CMSS1: variants seen among roughly 807,000 people sequenced by gnomAD.
CMSS1 encodes the protein cms1 ribosomal small subunit homolog.
In CMSS1, 33 loss-of-function variants were observed where a neutral mutation model predicts 43.5. That is an observed-to-expected ratio of 0.76 (90% CI 0.57 to 1.01). The LOEUF (loss-of-function observed/expected upper bound fraction) is 1.01, where lower values mean the gene tolerates loss of function less well. CMSS1 is among the 50% of genes least tolerant of loss of function. CMSS1 has a pLI of 0.00. For missense variants in CMSS1, 313 were observed against 326.4 expected (o/e 0.96, Z 0.32); for synonymous variants, 115 against 117.2 (o/e 0.98, Z 0.12).
intron 1 of CMSS1, among the ~76,000 whole-genome samples, chr3:100,100,620 A>C (rs1248922105): frequency 6.6e-6 from 1 of 152,198 alleles, no homozygotes; most frequent in African/African-American, 2.4e-5. Context: ...GAGGAAGGGA[A>C]GAATCAGAGG....
intron 1 of CMSS1, among the ~76,000 whole-genome samples, chr3:100,031,341 A>G (rs2065018414): frequency 6.6e-6 from 1 of 152,108 alleles, no homozygotes; most frequent in Non-Finnish European, 1.5e-5. Flanking sequence ...CTAGCAGTCC[A>G]ATAGAAATGT....
At chr3:99,860,680 A>C (rs1217029487) in intron 1 of CMSS1, among the ~76,000 whole-genome samples, 2 of 152,180 alleles carry the variant, frequency 1.3e-5, no homozygotes, top group Non-Finnish European at 2.9e-5. Context: ...TGAAAGGGCC[A>C]GGTGGAGACT....
intron 1 of CMSS1, among the ~76,000 whole-genome samples, chr3:99,869,617 CT>C (rs577930971): frequency 2.0e-4 from 30 of 152,256 alleles, no homozygotes; most frequent in African/African-American, 6.0e-4. Context: ...AAACCAGCAA[CT>C]TTCTCATGTT....
At chr3:99,911,415 C>T (rs1428572206) in intron 1 of CMSS1, among the ~76,000 whole-genome samples, 1 of 151,530 alleles carries the variant, frequency 6.6e-6, no homozygotes, top group African/African-American at 2.4e-5. Context: ...TAACACAAGG[C>T]CTGTATACAC....
intron 1 of CMSS1, among the ~76,000 whole-genome samples, chr3:99,927,623 C>T (rs1458590027): frequency 1.3e-5 from 2 of 152,188 alleles, no homozygotes; most frequent in Non-Finnish European, 2.9e-5. Flanking sequence ...CCTGCCTCGG[C>T]CTCCCAAAGT....
At chr3:99,842,348 G>T (rs1284984733) in intron 1 of CMSS1, among the ~76,000 whole-genome samples, 1 of 151,988 alleles carries the variant, frequency 6.6e-6, no homozygotes. Flanking sequence ...AGTGGGAGGG[G>T]TGTAAGGGAT....
At chr3:99,958,959 G>A (rs767780133) in intron 1 of CMSS1, among the ~76,000 whole-genome samples, 5 of 152,062 alleles carry the variant, frequency 3.3e-5, no homozygotes, top group African/African-American at 4.8e-5. Context: ...TATACCACTG[G>A]ATTCTTGTGT....
chr3:99,945,539 A>C (rs1707983745), intron 1 of CMSS1, among the ~76,000 whole-genome samples: 2 of 152,198 alleles, frequency 1.3e-5, no homozygotes, highest in Admixed American at 1.3e-4. Context: ...CTTACAATTA[A>C]GGAGGGAAAC....
At chr3:100,095,748 A>T (rs1271344161) in intron 1 of CMSS1, among the ~76,000 whole-genome samples, 1 of 152,190 alleles carries the variant, frequency 6.6e-6, no homozygotes, top group Non-Finnish European at 1.5e-5. Context: ...CAGCACAGGC[A>T]ACCAAAGCAA....
At chr3:100,165,272 G>C (rs2107528592) in intron 4 of CMSS1, among the ~76,000 whole-genome samples, 1 of 151,858 alleles carries the variant, frequency 6.6e-6, no homozygotes, top group East Asian at 1.9e-4. Flanking sequence ...ATATGTGCTG[G>C]GTCACAACAT....
At chr3:100,090,238 T>C (rs2066080654) in intron 1 of CMSS1, among the ~76,000 whole-genome samples, 1 of 152,226 alleles carries the variant, frequency 6.6e-6, no homozygotes. Flanking sequence ...AGCTGTTTGC[T>C]ATTGTTTTCT....
chr3:99,891,647 A>G (rs1186773034), intron 1 of CMSS1, among the ~76,000 whole-genome samples: 1 of 152,200 alleles, frequency 6.6e-6, no homozygotes, highest in Non-Finnish European at 1.5e-5. Flanking sequence ...AGCAATGGAC[A>G]TTAGAACAAT....
At chr3:99,969,551 T>A (rs1708752910) in intron 1 of CMSS1, among the ~76,000 whole-genome samples, 2 of 152,188 alleles carry the variant, frequency 1.3e-5, no homozygotes, top group African/African-American at 4.8e-5. Flanking sequence ...GTTGAAGTAA[T>A]GAGCCGTGCT....
At chr3:99,858,015 G>A (rs1944056686) in intron 1 of CMSS1, among the ~76,000 whole-genome samples, 1 of 152,124 alleles carries the variant, frequency 6.6e-6, no homozygotes. Flanking sequence ...GATAGTTCCA[G>A]CACAATTCAG....
At chr3:99,874,165 G>A (rs971820277) in intron 1 of CMSS1, 2 of 152,032 alleles carry the variant, frequency 1.3e-5, no homozygotes, top group African/African-American at 2.4e-5. Context: ...TTAAAAAATC[G>A]ATGCTTGCCT....
In CMSS1 at chr3:100,002,380, A is replaced by C. The variant is rs149284093; in HGVS notation, c.65-144593A>C. On this transcript the variant is annotated intron_variant, in intron 1 of 9. Coordinates refer to ENST00000421999, the MANE Select transcript of CMSS1 (RefSeq NM_032359.4). ...TATCCCCTGATACACATTTGCTTTC[A>C]AGCTTCTGTGGCTTAGACTGGAGTA... Among the ~76,000 whole-genome samples the C allele has an allele frequency of 8.7e-3, 1,318 of 152,296 alleles. 8 individuals carry two copies. The highest frequency in any genetic ancestry group is 0.02 in the Middle Eastern group (6 of 294).
intron 2 of CMSS1, among the ~76,000 whole-genome samples, chr3:100,149,361 C>T (rs1178843810): frequency 2.0e-5 from 3 of 152,138 alleles, no homozygotes; most frequent in Non-Finnish European, 4.4e-5. Context: ...GTTGCTTTCA[C>T]TTTCCTTTTT....
intron 1 of CMSS1, among the ~76,000 whole-genome samples, chr3:99,916,204 C>T (rs1327067536): frequency 6.6e-6 from 1 of 152,136 alleles, no homozygotes; most frequent in Admixed American, 6.5e-5. Flanking sequence ...AAGCTGAAGG[C>T]AGGTTGAATT....
At chr3:100,113,060 T>C (rs1198639933) in intron 1 of CMSS1, among the ~76,000 whole-genome samples, 6 of 152,220 alleles carry the variant, frequency 3.9e-5, no homozygotes, top group Non-Finnish European at 8.8e-5. Flanking sequence ...ACGTGGAATA[T>C]GGTAGTGTAG....
Sources: gnomAD v4.1 joint callset for allele counts (sites outside exome capture counted in the v4.1 genomes callset) on GRCh38, gnomAD v4.1.1 for gene constraint, MANE v1.5 for transcripts, NCBI Gene and HGNC (gene_info 2026-07-23, HGNC 2026-07-21) for gene names.